Variants in DNAH3 observed in about 807,000 individuals in gnomAD.
The protein encoded by DNAH3 is dynein axonemal heavy chain 3.
DNAH3 carries 332 observed loss-of-function variants against 432.5 expected under a neutral mutation model. That is an observed-to-expected ratio of 0.77 (90% CI 0.70 to 0.84). The LOEUF (loss-of-function observed/expected upper bound fraction) is 0.84, where lower values mean the gene tolerates loss of function less well. Among genes scored for constraint, DNAH3 ranks in the 40% least tolerant of loss-of-function variants. The pLI is 0.00. For synonymous variants in DNAH3, 1,956 were observed against 1,900.2 expected, an observed-to-expected ratio of 1.03 and a Z score of -0.76; for missense variants, 4,861 against 5,114.0, an observed-to-expected ratio of 0.95 and a Z score of 1.51.
At chr16:21,106,008 C>G (rs1247746070) in intron 15 of DNAH3, among the ~76,000 whole-genome samples, 2 of 147,558 alleles carry the variant, frequency 1.4e-5, no homozygotes, top group East Asian at 4.1e-4. Flanking sequence ...GGTAAAACCC[C>G]GTCTCTACTA....
intron 3 of DNAH3, among the ~76,000 whole-genome samples, chr16:21,142,036 G>C (rs1187253440): frequency 6.6e-6 from 1 of 151,580 alleles, no homozygotes; most frequent in Non-Finnish European, 1.5e-5. Context: ...CTGGGCGACA[G>C]AGTGAGACTC....
At chr16:21,082,681 T>A (rs1401170012) in intron 19 of DNAH3, among the ~76,000 whole-genome samples, 1 of 151,934 alleles carries the variant, frequency 6.6e-6, no homozygotes, top group Non-Finnish European at 1.5e-5. Flanking sequence ...ATACAAAAAT[T>A]AGCTGGGCAC....
In DNAH3 at chr16:21,075,259, T is replaced by C. The variant is rs1456239772; in HGVS notation, c.3084+188A>G. ...CAAAAGACTTGTCTGATTTGAAGAA[T>C]GAATCTCTTCGGTGGTGCTGACAGG... On this transcript the variant is annotated intron_variant, in intron 21 of 61. Coordinates refer to ENST00000261383, the Ensembl canonical transcript of DNAH3. 2.0e-5 allele frequency among the ~76,000 whole-genome samples: 3 copies of C among 152,162 alleles called. No individual in the cohort carries two copies. The East Asian group carries it at 5.8e-4, about 29-fold the overall frequency.
intron 52 of DNAH3, among the ~76,000 whole-genome samples, chr16:20,968,362 C>T (rs2085156697): frequency 6.6e-6 from 1 of 152,074 alleles, no homozygotes; most frequent in Admixed American, 6.5e-5. Context: ...AGCCACTGCA[C>T]CTGGATGGGA....
intron 51 of DNAH3, among the ~76,000 whole-genome samples, chr16:20,971,901 A>ATGT (rs1248524173): frequency 6.6e-6 from 1 of 152,224 alleles, no homozygotes; most frequent in East Asian, 1.9e-4. Context: ...CAGGCTACAA[A>ATGT]TGTTACATGT....
chr16:21,019,857 G>A (rs752610797), exon 41 of DNAH3: 1 of 1,613,990 alleles, frequency 6.2e-7, no homozygotes, highest in South Asian at 1.1e-5. Flanking sequence ...CTCTTCTACT[G>A]CCCTGATTTC....
At chr16:21,108,829 C>G (rs1437496750) in intron 14 of DNAH3, among the ~76,000 whole-genome samples, 2 of 151,438 alleles carry the variant, frequency 1.3e-5, no homozygotes, top group Non-Finnish European at 3.0e-5. Flanking sequence ...GGCAAAGAAG[C>G]TGAAGATACA....
intron 9 of DNAH3, among the ~76,000 whole-genome samples, chr16:21,124,737 C>T (rs1041212155): frequency 2.6e-5 from 4 of 152,038 alleles, no homozygotes; most frequent in African/African-American, 9.7e-5. Context: ...GCAACTTCCG[C>T]CGCCTGGGTT....
chr16:21,127,552 C>G, intron 8 of DNAH3, 135 bp downstream of exon 9: 5 of 1,081,414 alleles, frequency 4.6e-6, no homozygotes, highest in Non-Finnish European at 6.6e-6. Flanking sequence ...CAGAAAGAGA[C>G]TCTGTCTCAA....
exon 19 of DNAH3, chr16:21,086,861 T>A: frequency 6.2e-7 from 1 of 1,614,146 alleles, no homozygotes; most frequent in Non-Finnish European, 8.5e-7. Context: ...GCTGCCAGTG[T>A]CGGTCTTTCA....
intron 33 of DNAH3, among the ~76,000 whole-genome samples, chr16:21,039,298 AGCCTCC>A (rs1323317715): frequency 7.1e-6 from 1 of 141,630 alleles, no homozygotes. Flanking sequence ...GGCTCACTGC[AGCCTCC>A]GCCTCCACGG....
At chr16:21,055,888 A>G (rs537600140) in intron 27 of DNAH3, among the ~76,000 whole-genome samples, 17 of 152,004 alleles carry the variant, frequency 1.1e-4, no homozygotes, top group Admixed American at 2.0e-4. Flanking sequence ...TGGGACCACA[A>G]GCACACACCA....
At chr16:21,115,097 A>G (rs1382927458) in intron 12 of DNAH3, among the ~76,000 whole-genome samples, 2 of 152,200 alleles carry the variant, frequency 1.3e-5, no homozygotes, top group Admixed American at 6.5e-5. Context: ...TTGTAGGGAC[A>G]TGGATGAAGC....
At chr16:21,138,261 A>G (rs948802514) in intron 5 of DNAH3, among the ~76,000 whole-genome samples, 7 of 151,734 alleles carry the variant, frequency 4.6e-5, no homozygotes, top group African/African-American at 1.7e-4. Context: ...AAAAAAAAAG[A>G]AAAGAAAAAG....
rs374632548 is a variant in DNAH3, at chr16:21,058,158, C to A, written c.3852G>T (p.Gln1284His). 8.5e-5 allele frequency: 137 copies of A among 1,613,872 alleles called. No individual in the cohort carries two copies. The highest frequency in any genetic ancestry group is 1.6e-4 in the Middle Eastern group (1 of 6,084). The stretch of plus-strand genomic sequence containing the variant: ...AGATGGAGGAGACACAGATAACCAC[C>A]TGTCCAGGCCACTGTAAGACCCAGT... Residue 1284 changes from glutamine to histidine, a missense_variant, in exon 27 of 62, where the codon CAG becomes CAT. By Grantham distance (24) the Gln-to-His change is conservative (BLOSUM62 0). Coordinates refer to ENST00000261383, the Ensembl canonical transcript of DNAH3.
At chr16:21,063,454 C>T (rs926888214) in intron 24 of DNAH3, among the ~76,000 whole-genome samples, 4 of 150,692 alleles carry the variant, frequency 2.7e-5, no homozygotes, top group South Asian at 4.2e-4. Context: ...GAGGCCTCTA[C>T]CACCTTTTAT....
chr16:20,941,318 G>C, intron 59 of DNAH3, 83 bp downstream of exon 59: 1 of 1,556,108 alleles, frequency 6.4e-7, no homozygotes, highest in South Asian at 1.2e-5. Context: ...CCTCTGCATA[G>C]CAACCCCTTC....
At chr16:20,940,962 T>C (rs1041854145) in intron 59 of DNAH3, among the ~76,000 whole-genome samples, 5 of 152,092 alleles carry the variant, frequency 3.3e-5, no homozygotes, top group Admixed American at 2.0e-4. Context: ...TTAGCCAGCA[T>C]GGTGGCCTGT....
At chr16:21,104,434 G>A (rs777308086) in intron 16 of DNAH3, 37 bp downstream of exon 16, 1 of 1,576,424 alleles carries the variant, frequency 6.3e-7, no homozygotes, top group Admixed American at 1.7e-5. Flanking sequence ...AAGAAGTCAG[G>A]TCTCATTTCC....
Sources: gnomAD v4.1 joint callset for allele counts (sites outside exome capture counted in the v4.1 genomes callset) on GRCh38, gnomAD v4.1.1 for gene constraint, MANE v1.5 for transcripts, NCBI Gene and HGNC (gene_info 2026-07-23, HGNC 2026-07-21) for gene names.